The following FECH variants were observed in gnomAD, a reference collection of about 807,000 sequenced individuals.
The protein encoded by FECH is ferrochelatase, mitochondrial.
A neutral mutation model predicts 56.9 loss-of-function variants in FECH; 40 were observed. The ratio of observed to expected loss-of-function variants is 0.70; its 90% CI spans 0.55 to 0.92. The LOEUF is 0.92. Ranked by LOEUF, FECH falls within the 40% of genes least tolerant of loss-of-function variation. FECH has a pLI of 0.00. For synonymous variants in FECH, 175 were observed against 198.6 expected (o/e 0.88, Z 1.00); for missense variants, 431 against 529.1 (o/e 0.81, Z 1.82).
In FECH at chr18:57,544,807, C is replaced by T. The variant is rs564536371; in HGVS notation, c.*5905G>A. ...CACTTTCTTAAGTCTAAATAATCAA[C>T]GACAAAAAAAAGGGCGAAATAATTA... On this transcript the variant is annotated 3_prime_UTR_variant, in exon 11 of 11. Coordinates refer to ENST00000262093, the MANE Select transcript of FECH (RefSeq NM_000140.5). 1.3e-5 allele frequency among the ~76,000 whole-genome samples: 2 copies of T among 151,694 alleles called. No homozygotes were observed. Among genetic ancestry groups the T allele is most frequent in the African/African-American group, 4.8e-5 (2 of 41,286 alleles).
At chr18:57,566,051 A>G (rs2051011780) in intron 5 of FECH, among the ~76,000 whole-genome samples, 1 of 152,250 alleles carries the variant, frequency 6.6e-6, no homozygotes, top group African/African-American at 2.4e-5. Flanking sequence ...CCCATGTTGT[A>G]TGGGCATCTT....
chr18:57,582,284 C>T (rs914186221), intron 1 of FECH, among the ~76,000 whole-genome samples: 10 of 152,102 alleles, frequency 6.6e-5, no homozygotes, highest in African/African-American at 2.2e-4. Flanking sequence ...ACTGACATGA[C>T]ACTCAAAGAA....
At chr18:57,558,888 T>C (rs2050901617) in intron 7 of FECH, among the ~76,000 whole-genome samples, 1 of 151,654 alleles carries the variant, frequency 6.6e-6, no homozygotes, top group African/African-American at 2.4e-5. Context: ...ACCATTGCAC[T>C]CCAGCCTGGG....
intron 2 of FECH, 58 bp downstream of exon 2, chr18:57,580,015 A>G: frequency 1.9e-6 from 3 of 1,610,088 alleles, no homozygotes; most frequent in African/African-American, 1.3e-5. Context: ...GCTTGTGTCT[A>G]TTGGTGTCTG....
At chr18:57,571,296 G>A (rs2051101470) in intron 4 of FECH, 96 bp downstream of exon 4, 4 of 1,301,984 alleles carry the variant, frequency 3.1e-6, no homozygotes, top group Non-Finnish European at 4.4e-6. Flanking sequence ...TGAGTTGCCA[G>A]TACATATGAA....
At chr18:57,556,838 T>C (rs150008992) in intron 7 of FECH, among the ~76,000 whole-genome samples, 65 of 143,044 alleles carry the variant, frequency 4.5e-4, no homozygotes, top group Middle Eastern at 7.6e-3. Context: ...CCAAGTCTGG[T>C]AGGTCGAGGC....
intron 6 of FECH, among the ~76,000 whole-genome samples, chr18:57,560,029 T>C (rs952252879): frequency 2.0e-5 from 3 of 152,230 alleles, no homozygotes; most frequent in Non-Finnish European, 4.4e-5. Context: ...TTAATCATTC[T>C]CTGTCATTTA....
At chr18:57,584,133 T>C (rs1478106202) in intron 1 of FECH, among the ~76,000 whole-genome samples, 1 of 149,592 alleles carries the variant, frequency 6.7e-6, no homozygotes, top group Non-Finnish European at 1.5e-5. Flanking sequence ...TGAGCCGAGA[T>C]CATGCCACTG....
intron 1 of FECH, among the ~76,000 whole-genome samples, chr18:57,582,580 T>C (rs989102536): frequency 2.0e-5 from 3 of 147,314 alleles, no homozygotes; most frequent in African/African-American, 7.6e-5. Flanking sequence ...CTGGGCAACA[T>C]AGCAAGACCC....
chr18:57,545,577 C>T lies in FECH; in HGVS notation c.*5135G>A, dbSNP rs938211524. Among the ~76,000 whole-genome samples, 6 of 152,264 alleles carry T rather than the reference C, an allele frequency of 3.9e-5. No homozygotes were observed. Among genetic ancestry groups the T allele is most frequent in the East Asian group, 3.9e-4 (2 of 5,188 alleles). On this transcript the variant is annotated 3_prime_UTR_variant, in exon 11 of 11. Coordinates refer to ENST00000262093, the MANE Select transcript of FECH (RefSeq NM_000140.5). ...GGCAAGATGCATCAGACGCACGGAG[C>T]GATGGTCTGGCTGAAGGGCACCACC...
At chr18:57,584,371 C>A (rs1305535895) in intron 1 of FECH, among the ~76,000 whole-genome samples, 3 of 146,894 alleles carry the variant, frequency 2.0e-5, no homozygotes, top group African/African-American at 7.5e-5. Context: ...CTTCATAATT[C>A]CTGGACAAAT....
Position 57,571,281 on chromosome 18 carries a change from C to T in FECH, c.463+111G>A, listed in dbSNP as rs2122320207. The stretch of plus-strand genomic sequence containing the variant: ...GACCATGTATTATGTAGAAACACCA[C>T]AAATTGAGTTGCCAGTACATATGAA... On this transcript the variant is annotated intron_variant, in intron 4 of 10. Transcript: ENST00000262093. 4 of 1,150,586 alleles carry T rather than the reference C, an allele frequency of 3.5e-6. 1 individual carries two copies. The highest frequency in any genetic ancestry group is 2.6e-5 in the South Asian group (2 of 76,174). The allele number at this position is 1,150,586 out of a possible 1,614,324, so 71.3% of individuals were successfully genotyped here.
rs1292532036 is a variant in FECH at position 57,559,253 on chromosome 18, T to C, written c.706-10A>G. The C allele has an allele frequency of 6.4e-7, 1 of 1,565,670 alleles. No homozygotes were observed. The highest frequency in any genetic ancestry group is 1.1e-5 in the South Asian group (1 of 90,002). On this transcript the variant is annotated splice_polypyrimidine_tract_variant and intron_variant, in intron 6 of 10. Transcript: ENST00000262093. ...TATGATCTGCAAAGCACTGAGTGAG[T>C]AACAAGAAAGGAGGATAAAGAGGAA...
chr18:57,565,157 A>C (rs9959081), intron 5 of FECH, among the ~76,000 whole-genome samples: 6,034 of 152,278 alleles, frequency 0.04, 397 homozygotes, highest in African/African-American at 0.14. Flanking sequence ...CAATCTTCTT[A>C]ATTTATCTAA....
intron 8 of FECH, 121 bp from the exon 9 acceptor site, chr18:57,554,545 G>A: frequency 9.7e-7 from 1 of 1,027,296 alleles, no homozygotes; most frequent in African/African-American, 1.6e-5. Context: ...CTTTACACCT[G>A]CTTGAATGGA....
chr18:57,579,273 A>ATGTGTGTATATCTATATATATGTG (rs1555681593), intron 2 of FECH, among the ~76,000 whole-genome samples: 1 of 124,204 alleles, frequency 8.1e-6, no homozygotes, highest in African/African-American at 3.2e-5. Context: ...ATATATATAT[A>ATGTGTGTATATCTATATATATGTG]TGTGTGTGTG....
chr18:57,573,065 G>T (rs1370761751), intron 3 of FECH, 181 bp downstream of exon 3: 6 of 665,694 alleles, frequency 9.0e-6, no homozygotes, highest in Non-Finnish European at 1.5e-5. Context: ...TAACTTATTT[G>T]CTCTCTCCCC....
In FECH at chr18:57,571,683, T is replaced by C. The variant is rs529588041; in HGVS notation, c.315-143A>G. On this transcript the variant is annotated intron_variant, in intron 3 of 10. Coordinates refer to ENST00000262093, the MANE Select transcript of FECH (RefSeq NM_000140.5). ...CCTTTAAAACAGAAGCTTGAGGTCA[T>C]TGACAATAGCCAGCTCTCTTGTTGT... 127 of 1,130,984 alleles carry C rather than the reference T, an allele frequency of 1.1e-4. No individual in the cohort carries two copies. The East Asian group carries it at 2.0e-3, about 18-fold the overall frequency. 70.1% of individuals were successfully genotyped at this position (1,130,984 alleles called of 1,614,324 possible).
At chr18:57,578,360 A>T (rs2051213864) in intron 2 of FECH, among the ~76,000 whole-genome samples, 1 of 152,198 alleles carries the variant, frequency 6.6e-6, no homozygotes, top group African/African-American at 2.4e-5. Flanking sequence ...TAAACACACA[A>T]TAAGAAAATT....
Sources: gnomAD v4.1 joint callset for allele counts (sites outside exome capture counted in the v4.1 genomes callset) on GRCh38, gnomAD v4.1.1 for gene constraint, MANE v1.5 for transcripts, NCBI Gene and HGNC (gene_info 2026-07-23, HGNC 2026-07-21) for gene names.